FAXC: variants seen among roughly 807,000 people sequenced by gnomAD.
FAXC encodes failed axon connections homolog.
In FAXC, 10 loss-of-function variants were observed where a neutral mutation model predicts 41.9. That is an observed-to-expected ratio of 0.24 (90% CI 0.15 to 0.41). FAXC has a LOEUF of 0.41. FAXC is among the 10% of genes least tolerant of loss of function. The probability of loss-of-function intolerance (pLI) is 1.00; values close to 1 mark genes in which losing one functional copy is unlikely to be tolerated. For synonymous variants in FAXC, 183 were observed against 183.8 expected (o/e 1.00, Z 0.03); for missense variants, 399 against 510.9 (o/e 0.78, Z 2.11).
chr6:99,288,859 T>TACACACACAGACACACACAC (rs1554197989), intron 5 of FAXC, among the ~76,000 whole-genome samples: 1 of 145,736 alleles, frequency 6.9e-6, no homozygotes, highest in African/African-American at 2.6e-5. Context: ...CACACACACA[T>TACACACACAGACACACACAC]ACACACACAC....
At chr6:99,310,049 T>G in intron 4 of FAXC, 1 of 200,886 alleles carries the variant, frequency 5.0e-6, no homozygotes, top group East Asian at 1.9e-4. Flanking sequence ...AATAACTCAC[T>G]CTCGGAGCTG....
chr6:99,299,110 A>G (rs111409355), intron 4 of FAXC, among the ~76,000 whole-genome samples: 1,621 of 152,326 alleles, frequency 0.011, 39 homozygotes, highest in African/African-American at 0.036. Context: ...CACAGCACCC[A>G]TTCCTAGTCT....
In FAXC at chr6:99,276,645, TA is replaced by T. The variant is rs1189942485; in HGVS notation, c.*4518del. 1 of 152,198 alleles carries T rather than the reference TA, an allele frequency of 6.6e-6. No individual in the cohort carries two copies. The highest frequency in any genetic ancestry group is 2.4e-5 in the African/African-American group (1 of 41,458). The allele number at this position is 152,198 out of a possible 1,614,324, so 9.4% of individuals were successfully genotyped here. ...TAATTTTTCTTCTCTCTGGCTGTGT[TA>T]AAAACAAGAACAAACACAATGATAA... On this transcript the variant is annotated 3_prime_UTR_variant, in exon 6 of 6. Transcript: ENST00000389677.
intron 2 of FAXC, among the ~76,000 whole-genome samples, chr6:99,337,123 G>A (rs1773244546): frequency 6.6e-6 from 1 of 152,094 alleles, no homozygotes; most frequent in Non-Finnish European, 1.5e-5. Context: ...ACTTTAAAAT[G>A]GTTTACCAAA....
chr6:99,320,107 G>A (rs1284695804), intron 4 of FAXC, among the ~76,000 whole-genome samples: 2 of 152,164 alleles, frequency 1.3e-5, no homozygotes, highest in Non-Finnish European at 2.9e-5. Flanking sequence ...GATGCTCCTA[G>A]TGACTCAACA....
chr6:99,347,294 C>T (rs753810393), intron 1 of FAXC, among the ~76,000 whole-genome samples: 2 of 151,670 alleles, frequency 1.3e-5, no homozygotes, highest in East Asian at 1.9e-4. Flanking sequence ...CCCAGCTACT[C>T]AGGAGGCTGA....
intron 3 of FAXC, among the ~76,000 whole-genome samples, chr6:99,327,424 G>A (rs1300894978): frequency 1.3e-5 from 2 of 152,136 alleles, no homozygotes; most frequent in East Asian, 3.9e-4. Context: ...AATCACTCTT[G>A]TTCAAGTCAA....
At chr6:99,321,469 T>G (rs1238866083) in intron 4 of FAXC, among the ~76,000 whole-genome samples, 1 of 152,212 alleles carries the variant, frequency 6.6e-6, no homozygotes, top group East Asian at 1.9e-4. Flanking sequence ...CAAATTATGA[T>G]ATTCAGCCAA....
intron 2 of FAXC, among the ~76,000 whole-genome samples, chr6:99,340,004 C>T (rs1773363491): frequency 6.6e-6 from 1 of 152,172 alleles, no homozygotes; most frequent in African/African-American, 2.4e-5. Context: ...TAAAGACCCA[C>T]ACCAACACAT....
chr6:99,309,020 C>T (rs1042864342), intron 4 of FAXC, among the ~76,000 whole-genome samples: 1 of 152,090 alleles, frequency 6.6e-6, no homozygotes, highest in Non-Finnish European at 1.5e-5. Flanking sequence ...TGAATTGTAT[C>T]CAGGCAAATC....
chr6:99,335,790 C>A (rs1773195841), intron 2 of FAXC, among the ~76,000 whole-genome samples: 1 of 152,158 alleles, frequency 6.6e-6, no homozygotes, highest in Non-Finnish European at 1.5e-5. Context: ...CTATTTCTAA[C>A]AATTTTGGTA....
rs1246430619 is a variant in FAXC, at chr6:99,302,384, AGTGGCTCACACCT to A, written c.824-10577_824-10565del. 6.6e-5 allele frequency among the ~76,000 whole-genome samples: 10 copies of A among 152,336 alleles called. No individual in the cohort carries two copies. In the East Asian group the frequency reaches 1.9e-3, roughly 29 times the overall value. On this transcript the variant is annotated intron_variant, in intron 4 of 5. Coordinates refer to ENST00000389677, the MANE Select transcript of FAXC (RefSeq NM_032511.4). ...TTAAAAGCAAATCACGGCCACGCGC[AGTGGCTCACACCT>A]GTAATCCCAGCACTTTGGGAGGCCG...
intron 4 of FAXC, among the ~76,000 whole-genome samples, chr6:99,301,581 A>C (rs1771707339): frequency 6.6e-6 from 1 of 152,230 alleles, no homozygotes; most frequent in African/African-American, 2.4e-5. Context: ...CTGAAGCCAG[A>C]AACAGAAACC....
At position 99,275,631 on chromosome 6, in the gene FAXC, CTTT is replaced by C. The variant is rs952798490; in HGVS notation, c.*5530_*5532del. On this transcript the variant is annotated 3_prime_UTR_variant, in exon 6 of 6. Coordinates refer to ENST00000389677, the MANE Select transcript of FAXC (RefSeq NM_032511.4). Reference sequence around the variant, plus strand: ...TGTCAGCTCCAAAACAGCTGAACCCCTTTTTTTTAAATCTATGCTTCAGTGCCC... The same window carrying C: ...TGTCAGCTCCAAAACAGCTGAACCCCTTTTTAAATCTATGCTTCAGTGCCC... The C allele has an allele frequency of 2.0e-5, 3 of 152,002 alleles. No homozygotes were observed. The highest frequency in any genetic ancestry group is 7.2e-5 in the African/African-American group (3 of 41,384). 9.4% of individuals were successfully genotyped at this position (152,002 alleles called of 1,614,324 possible).
At chr6:99,327,848 G>A (rs371526855) in intron 3 of FAXC, among the ~76,000 whole-genome samples, 16 of 152,204 alleles carry the variant, frequency 1.1e-4, no homozygotes, top group African/African-American at 3.9e-4. Flanking sequence ...CAGTCACCCT[G>A]TGAATTTGCC....
At chr6:99,332,161 A>G (rs1052661318) in intron 3 of FAXC, among the ~76,000 whole-genome samples, 1 of 152,204 alleles carries the variant, frequency 6.6e-6, no homozygotes, top group East Asian at 1.9e-4. Context: ...AAAAGTAAAA[A>G]GAGAAAAAGA....
At chr6:99,303,652 C>T (rs1367547945) in intron 4 of FAXC, among the ~76,000 whole-genome samples, 1 of 152,218 alleles carries the variant, frequency 6.6e-6, no homozygotes, top group Non-Finnish European at 1.5e-5. Context: ...TGCAACAAGA[C>T]TTCTCTTTTA....
Position 99,291,797 on chromosome 6 carries a change from G to A in FAXC, c.847C>T (p.Pro283Ser), listed in dbSNP as rs530634268. ...GTGGCGTCAAGAGTGGAAAGCTTGG[G>A]CCCCATGATGTACTTCTTATCACCT... ...LLGDKKYIMG[P>S]KLSTLDATVF... is the part of the protein sequence containing the mutation. Residue 283 changes from proline (P) to serine (S), a missense_variant, in exon 5 of 6, where the codon CCC (proline) becomes TCC (serine). Physicochemically the swap from Pro to Ser is moderately conservative, Grantham distance 74. This residue lies in a region of FAXC where 239 missense variants were observed against 352.7 expected (regional missense o/e 0.68). Coordinates refer to ENST00000389677, the MANE Select transcript of FAXC (RefSeq NM_032511.4). The A allele has an allele frequency of 2.3e-5, 37 of 1,614,000 alleles. No individual in the cohort carries two copies. In the South Asian group the frequency reaches 3.8e-4, roughly 17 times the overall value.
In FAXC at chr6:99,271,636, C is replaced by T. The variant is rs934257214; in HGVS notation, c.*9528G>A. On this transcript the variant is annotated 3_prime_UTR_variant, in exon 6 of 6. Coordinates refer to ENST00000389677, the MANE Select transcript of FAXC (RefSeq NM_032511.4). ...AATATTTCAAAATCTGAGAAAAACC[C>T]AGATCCAAAACACTTCTGGTCCCAA... is the stretch of plus-strand genomic sequence containing the variant. The T allele has an allele frequency of 1.3e-5, 2 of 152,120 alleles. No individual in the cohort carries two copies. Among genetic ancestry groups the T allele is most frequent in the African/African-American group, 4.8e-5 (2 of 41,420 alleles). 9.4% of individuals were successfully genotyped at this position (152,120 alleles called of 1,614,324 possible).
Sources: allele counts gnomAD v4.1 joint callset (sites outside exome capture counted in the v4.1 genomes callset), GRCh38; gene constraint gnomAD v4.1.1; regional missense constraint gnomAD v4.1.1; transcripts MANE v1.5; gene names NCBI Gene and HGNC (gene_info 2026-07-23, HGNC 2026-07-21).